The following ESR1 variants were observed in gnomAD, a reference collection of about 807,000 sequenced individuals.
ESR1 encodes the protein estrogen receptor.
In ESR1, 12 loss-of-function variants were observed where a neutral mutation model predicts 52.7. The ratio of observed to expected loss-of-function variants is 0.23; its 90% CI spans 0.15 to 0.37. The LOEUF (loss-of-function observed/expected upper bound fraction) is 0.37, where lower values mean the gene tolerates loss of function less well. Among genes scored for constraint, ESR1 ranks in the 10% least tolerant of loss-of-function variants. ESR1 has a pLI of 1.00. For missense variants in ESR1, 584 were observed against 779.7 expected (o/e 0.75, Z 2.99); for synonymous variants, 305 against 316.8 (o/e 0.96, Z 0.39).
At chr6:151,956,843 A>ATATAT (rs2037003332) in intron 4 of ESR1, among the ~76,000 whole-genome samples, 499 of 44,424 alleles carry the variant, frequency 0.011, 3 homozygotes, top group African/African-American at 0.033. Context: ...AATATAAATA[A>ATATAT]ATATATATAT....
chr6:152,081,195 C>T (rs1273414605), intron 6 of ESR1, among the ~76,000 whole-genome samples: 1 of 152,176 alleles, frequency 6.6e-6, no homozygotes, highest in Non-Finnish European at 1.5e-5. Flanking sequence ...CCACATTGCA[C>T]TTATTTTAAA....
At chr6:151,753,030 ACT>A (rs1232312429) in intron 2 of ESR1, among the ~76,000 whole-genome samples, 3 of 152,160 alleles carry the variant, frequency 2.0e-5, no homozygotes, top group African/African-American at 7.2e-5. Context: ...TGCTGATCAT[ACT>A]CTGAGATTCA....
chr6:152,120,446 G>A (rs929791484), intron 6 of ESR1, among the ~76,000 whole-genome samples: 6 of 152,154 alleles, frequency 3.9e-5, no homozygotes, highest in South Asian at 2.1e-4. Context: ...AACAGTGGGC[G>A]GGGGGCGATC....
intron 2 of ESR1, among the ~76,000 whole-genome samples, chr6:151,785,672 A>G (rs1786952558): frequency 1.3e-5 from 2 of 152,170 alleles, no homozygotes; most frequent in African/African-American, 4.8e-5. Context: ...GTCAATTTTA[A>G]TGACACATGA....
At chr6:151,969,519 T>A (rs1161223230) in intron 4 of ESR1, among the ~76,000 whole-genome samples, 2 of 152,202 alleles carry the variant, frequency 1.3e-5, no homozygotes, top group African/African-American at 4.8e-5. Context: ...CATCCTTTAA[T>A]TATTCCAGTA....
intron 2 of ESR1, among the ~76,000 whole-genome samples, chr6:151,856,854 T>A (rs1264674798): frequency 5.3e-5 from 8 of 152,144 alleles, no homozygotes; most frequent in Non-Finnish European, 1.2e-4. Context: ...TTTTTCTGAT[T>A]TTGTTCCCAC....
intron 2 of ESR1, among the ~76,000 whole-genome samples, chr6:151,850,091 TAATTTTATATATATATACAAAATTA>T (rs1322169783): frequency 1.1e-4 from 14 of 131,850 alleles, no homozygotes; most frequent in African/African-American, 3.9e-4. Flanking sequence ...TATATATATA[TAATTTTATATATATATACAAAATTA>T]TATATATATG....
chr6:151,850,012 G>GAAAA (rs1562473901), intron 2 of ESR1, among the ~76,000 whole-genome samples: 9 of 42,332 alleles, frequency 2.1e-4, no homozygotes, highest in African/African-American at 6.7e-4. Context: ...ATATAATTTT[G>GAAAA]TATATATATA....
At chr6:152,060,841 C>G in intron 5 of ESR1, 150 bp from the exon 6 acceptor site, 2 of 647,928 alleles carry the variant, frequency 3.1e-6, no homozygotes, top group Non-Finnish European at 5.2e-6. Flanking sequence ...AATGAATGTT[C>G]ATATTCCATG....
intron 4 of ESR1, among the ~76,000 whole-genome samples, chr6:152,009,374 C>T (rs904010249): frequency 2.0e-5 from 3 of 151,904 alleles, no homozygotes; most frequent in Non-Finnish European, 4.4e-5. Context: ...CATCTTGTGC[C>T]TACAGTGAGT....
Position 151,905,546 on chromosome 6 carries a change from GC to G in ESR1, c.760+24777del, listed in dbSNP as rs565819243. On this transcript the variant is annotated intron_variant, in intron 3 of 7. Coordinates refer to ENST00000206249, the MANE Select transcript of ESR1 (RefSeq NM_000125.4). ...AGGTCATTTAAGAAAGTATAATGAA[GC>G]CACTTAATAAAAGGAAATATTCCTC... 3.9e-5 allele frequency among the ~76,000 whole-genome samples: 6 copies of G among 152,164 alleles called. No individual in the cohort carries two copies. In the South Asian group the frequency reaches 1.2e-3, roughly 32 times the overall value.
intron 2 of ESR1, among the ~76,000 whole-genome samples, chr6:151,870,591 A>T (rs1403301531): frequency 6.6e-6 from 1 of 152,178 alleles, no homozygotes; most frequent in Non-Finnish European, 1.5e-5. Flanking sequence ...TGAACAAGTG[A>T]GTCAACTTCT....
chr6:151,807,634 A>AC (rs1778086763), upstream of ESR1: 1 of 568,710 alleles, frequency 1.8e-6, no homozygotes, highest in African/African-American at 1.9e-5. Flanking sequence ...TGTAATGCAT[A>AC]TGAGCTCGGG....
rs2128234469 is a variant in ESR1 at position 151,842,687 on chromosome 6, G to C, written c.543G>C (p.Glu181Asp). 1.9e-6 allele frequency: 3 copies of C among 1,613,962 alleles called. No individual in the cohort carries two copies. The highest frequency in any genetic ancestry group is 2.5e-6 in the Non-Finnish European group (3 of 1,179,936). The change falls in exon 2 of 8, where the codon GAG (glutamate) becomes GAC (aspartate). Residue 181 changes from glutamate (E) to aspartate (D), a missense_variant. This residue lies in a region of ESR1 where 251 missense variants were observed against 246.1 expected (regional missense o/e 1.02). Transcript: ENST00000206249. ...KGSMAMESAK[E>D]TRYCAVCNDY... is the part of the protein sequence containing the mutation. ...GTATGGCTATGGAATCTGCCAAGGA[G>C]ACTCGCTACTGTGCAGTGTGCAATG...
chr6:151,780,517 C>T (rs1786450778), intron 2 of ESR1, among the ~76,000 whole-genome samples: 1 of 152,078 alleles, frequency 6.6e-6, no homozygotes, highest in Non-Finnish European at 1.5e-5. Context: ...CTGACTCCCC[C>T]AAGATTCTGA....
In ESR1 at chr6:152,011,753, C is replaced by A. The variant is rs758368242; in HGVS notation, c.1194C>A (p.His398Gln). 1.2e-6 allele frequency: 2 copies of A among 1,613,134 alleles called. No homozygotes were observed. Among genetic ancestry groups the A allele is most frequent in the Non-Finnish European group, 1.7e-6 (2 of 1,179,496 alleles). Reference sequence around the variant, plus strand: ...GTCTCGTCTGGCGCTCCATGGAGCACCCAGGGAAGCTACTGTTTGCTCCTA... The same window carrying A: ...GTCTCGTCTGGCGCTCCATGGAGCAACCAGGGAAGCTACTGTTTGCTCCTA... ...MIGLVWRSME[H>Q]PGKLLFAPNL... Residue 398 changes from histidine to glutamine, a missense_variant, in exon 5 of 8, where the codon CAC becomes CAA. By Grantham distance (24) the His-to-Gln change is conservative. This residue lies in a region of ESR1 where 141 missense variants were observed against 289.3 expected (regional missense o/e 0.49). Transcript: ENST00000206249.
intron 2 of ESR1, among the ~76,000 whole-genome samples, chr6:151,857,622 G>A (rs577962462): frequency 7.2e-5 from 11 of 152,048 alleles, no homozygotes; most frequent in African/African-American, 2.4e-4. Flanking sequence ...TCTGCCTCCC[G>A]GGTTCAAGTG....
At chr6:152,014,712 G>T (rs2043036059) in intron 5 of ESR1, among the ~76,000 whole-genome samples, 2 of 152,030 alleles carry the variant, frequency 1.3e-5, no homozygotes, top group South Asian at 4.2e-4. Flanking sequence ...CACAGGTCCT[G>T]GTTGTCTCTG....
At chr6:152,049,664 T>G (rs1444557562) in intron 5 of ESR1, among the ~76,000 whole-genome samples, 1 of 152,158 alleles carries the variant, frequency 6.6e-6, no homozygotes, top group Non-Finnish European at 1.5e-5. Context: ...GTGACTCTTG[T>G]AAAGTTGAGG....
Sources: allele counts gnomAD v4.1 joint callset (sites outside exome capture counted in the v4.1 genomes callset), GRCh38; gene constraint gnomAD v4.1.1; regional missense constraint gnomAD v4.1.1; transcripts MANE v1.5; gene names NCBI Gene and HGNC (gene_info 2026-07-23, HGNC 2026-07-21).